AGBL1: variants seen among roughly 807,000 people sequenced by gnomAD.
AGBL1 encodes AGBL carboxypeptidase 1.
Under a neutral mutation model 118.9 loss-of-function variants are expected in AGBL1, and 130 were observed. That is an observed-to-expected ratio of 1.09 (90% confidence interval 0.95 to 1.26). The LOEUF (loss-of-function observed/expected upper bound fraction) is 1.26. AGBL1 is among the 50% of genes most tolerant of loss of function. AGBL1 has a pLI of 0.00. For synonymous variants in AGBL1, 555 were observed against 478.9 expected (o/e 1.16, Z -2.08); for missense variants, 1,584 against 1,298.1 (o/e 1.22, Z -3.38).
intron 17 of AGBL1, among the ~76,000 whole-genome samples, chr15:86,382,843 GCAAGGCCACTTCC>G (rs1262899426): frequency 2.0e-5 from 3 of 152,070 alleles, no homozygotes; most frequent in African/African-American, 7.2e-5. Flanking sequence ...TAACAAAGCA[GCAAGGCCACTTCC>G]CTTTTGCTGA....
At chr15:86,830,260 G>A (rs190294616) in intron 22 of AGBL1, among the ~76,000 whole-genome samples, 2 of 151,982 alleles carry the variant, frequency 1.3e-5, no homozygotes, top group Admixed American at 6.6e-5. Flanking sequence ...AATATTTTTA[G>A]GACTTCAGAA....
intron 22 of AGBL1, among the ~76,000 whole-genome samples, chr15:86,760,712 G>A (rs1331348069): frequency 6.6e-6 from 1 of 152,084 alleles, no homozygotes; most frequent in Non-Finnish European, 1.5e-5. Flanking sequence ...CAGTGTGAAA[G>A]ACAGCTCTTT....
chr15:86,484,412 T>G (rs2082689328), intron 18 of AGBL1, among the ~76,000 whole-genome samples: 1 of 152,278 alleles, frequency 6.6e-6, no homozygotes, highest in South Asian at 2.1e-4. Context: ...CTGGGCCACT[T>G]TTTAATCAGA....
chr15:86,141,576 G>A (rs764289458), intron 1 of AGBL1, among the ~76,000 whole-genome samples: 5 of 152,138 alleles, frequency 3.3e-5, no homozygotes, highest in East Asian at 3.8e-4. Context: ...GCTTGAACCC[G>A]GGAGGTGGAA....
intron 22 of AGBL1, among the ~76,000 whole-genome samples, chr15:86,754,264 T>C (rs2077900246): frequency 6.6e-6 from 1 of 152,106 alleles, no homozygotes; most frequent in African/African-American, 2.4e-5. Flanking sequence ...AGTACTTGTG[T>C]TTGTCTTTTC....
chr15:86,218,146 A>G lies in AGBL1; in HGVS notation c.489-6768A>G, dbSNP rs193129002. Among the ~76,000 whole-genome samples, 943 of 152,334 alleles carry G rather than the reference A, an allele frequency of 6.2e-3. 3 individuals carry two copies. Among genetic ancestry groups the G allele is most frequent in the Middle Eastern group, 0.02 (6 of 294 alleles). On this transcript the variant is annotated intron_variant, in intron 5 of 22. Transcript: ENST00000614907. ...AATAGCTCTAGAAATTACATTTCTC[A>G]TTAAAGTACCAGACCCTCACATGCT...
chr15:86,856,777 C>G (rs1319569883), intron 22 of AGBL1, among the ~76,000 whole-genome samples: 3 of 152,244 alleles, frequency 2.0e-5, no homozygotes, highest in Non-Finnish European at 2.9e-5. Flanking sequence ...AGAGCCAGAA[C>G]TGCATTACAC....
intron 23 of AGBL1, among the ~76,000 whole-genome samples, chr15:86,937,463 A>G (rs1038811101): frequency 6.6e-6 from 1 of 152,268 alleles, no homozygotes; most frequent in Admixed American, 6.5e-5. Context: ...AATACTATGC[A>G]GCCATGAAAA....
chr15:86,792,062 C>G (rs1014036289), intron 22 of AGBL1, among the ~76,000 whole-genome samples: 2 of 152,122 alleles, frequency 1.3e-5, no homozygotes, highest in African/African-American at 4.8e-5. Flanking sequence ...AACACAATTC[C>G]TTGCCTCAAC....
intron 23 of AGBL1, among the ~76,000 whole-genome samples, chr15:86,933,447 A>G (rs1232187264): frequency 6.6e-6 from 1 of 152,202 alleles, no homozygotes; most frequent in Non-Finnish European, 1.5e-5. Flanking sequence ...TCATGTAGCC[A>G]GAGGTCGCAA....
intron 21 of AGBL1, among the ~76,000 whole-genome samples, chr15:86,631,560 G>A (rs1467170850): frequency 6.6e-6 from 1 of 152,196 alleles, no homozygotes; most frequent in East Asian, 1.9e-4. Context: ...GAGACCTGTA[G>A]TTTGAGTTGA....
chr15:86,223,192 C>T (rs1496883), intron 5 of AGBL1, among the ~76,000 whole-genome samples: 61,300 of 151,962 alleles, frequency 0.4, 13,897 homozygotes, highest in African/African-American at 0.62. Flanking sequence ...CTCATAAAAC[C>T]ATTATCTAAT....
At chr15:86,095,985 T>C (rs543063830) in intron 1 of AGBL1, among the ~76,000 whole-genome samples, 3 of 152,284 alleles carry the variant, frequency 2.0e-5, no homozygotes, top group South Asian at 4.1e-4. Context: ...AGACTACTTT[T>C]ATATTTTTTT....
chr15:86,515,690 C>G lies in AGBL1; in HGVS notation c.2556-7120C>G, dbSNP rs936372949. On this transcript the variant is annotated intron_variant, in intron 18 of 22. Coordinates refer to ENST00000614907, the MANE Select transcript of AGBL1 (RefSeq NM_001386094.1). ...ATGACTTCAAGTGGTTGTTGGCTGG[C>G]TGGCCTCAGAATTAGTAGCACAGCC... 2.0e-5 allele frequency among the ~76,000 whole-genome samples: 3 copies of G among 152,270 alleles called. No homozygotes were observed. The South Asian group carries it at 6.2e-4, about 32-fold the overall frequency.
chr15:86,786,568 CAT>C (rs2078415945), intron 22 of AGBL1, among the ~76,000 whole-genome samples: 2 of 152,142 alleles, frequency 1.3e-5, no homozygotes, highest in African/African-American at 4.8e-5. Context: ...TCTCTATACC[CAT>C]GTCAGAATCC....
At chr15:86,119,113 G>T (rs1326727421) in intron 1 of AGBL1, among the ~76,000 whole-genome samples, 2 of 152,130 alleles carry the variant, frequency 1.3e-5, no homozygotes, top group African/African-American at 2.4e-5. Context: ...GGACTCATTT[G>T]GTTGCAAGTA....
At chr15:86,317,173 T>G (rs538623617) in intron 17 of AGBL1, 1 of 152,380 alleles carries the variant, frequency 6.6e-6, no homozygotes, top group South Asian at 2.1e-4. Flanking sequence ...CTATCAATAC[T>G]GTTCTTAAAG....
At chr15:86,814,335 C>T (rs1158859752) in intron 22 of AGBL1, among the ~76,000 whole-genome samples, 2 of 152,134 alleles carry the variant, frequency 1.3e-5, no homozygotes, top group African/African-American at 4.8e-5. Flanking sequence ...TCCACTCTAC[C>T]ATCTGTGGAA....
intron 21 of AGBL1, among the ~76,000 whole-genome samples, chr15:86,598,451 C>T (rs557739243): frequency 9.9e-5 from 15 of 152,118 alleles, no homozygotes; most frequent in African/African-American, 3.6e-4. Flanking sequence ...TCTACTTTGC[C>T]TGTTTGATCC....
Sources: allele counts gnomAD v4.1 joint callset (sites outside exome capture counted in the v4.1 genomes callset), GRCh38; gene constraint gnomAD v4.1.1; transcripts MANE v1.5; gene names NCBI Gene and HGNC (gene_info 2026-07-23, HGNC 2026-07-21).